CDH13: variants seen among roughly 807,000 people sequenced by gnomAD.
CDH13 encodes the protein cadherin 13.
Under a neutral mutation model 63.8 loss-of-function variants are expected in CDH13, and 24 were observed. The observed-to-expected ratio is 0.38, with a 90% CI of 0.27 to 0.53. The LOEUF is 0.53. Among genes scored for constraint, CDH13 ranks in the 20% least tolerant of loss-of-function variants. CDH13 has a pLI of 0.85. For synonymous variants in CDH13, 503 were observed against 355.3 expected (o/e 1.42, Z -4.67); for missense variants, 1,049 against 903.1 (o/e 1.16, Z -2.07).
chr16:83,208,858 AATTT>A (rs1380123838), intron 4 of CDH13, among the ~76,000 whole-genome samples: 2 of 152,140 alleles, frequency 1.3e-5, no homozygotes, highest in Admixed American at 6.5e-5. Flanking sequence ...AGGGTACTAG[AATTT>A]ATTTATCTAG....
At chr16:83,338,263 T>G (rs2090644548) in intron 5 of CDH13, among the ~76,000 whole-genome samples, 1 of 151,776 alleles carries the variant, frequency 6.6e-6, no homozygotes, top group Non-Finnish European at 1.5e-5. Flanking sequence ...CTTCATCATT[T>G]AAGGCTACAG....
intron 2 of CDH13, among the ~76,000 whole-genome samples, chr16:83,010,266 C>T (rs941733639): frequency 9.2e-5 from 14 of 151,882 alleles, no homozygotes; most frequent in Non-Finnish European, 1.6e-4. Flanking sequence ...CCTTGGTCCA[C>T]GCCAATCCCA....
chr16:83,088,915 T>C (rs977386303), intron 3 of CDH13, among the ~76,000 whole-genome samples: 10 of 152,336 alleles, frequency 6.6e-5, no homozygotes, highest in African/African-American at 2.2e-4. Flanking sequence ...CAATAAAGCT[T>C]TAATGGAACA....
intron 5 of CDH13, among the ~76,000 whole-genome samples, chr16:83,226,125 C>A (rs72802238): frequency 0.099 from 15,120 of 152,182 alleles, 993 homozygotes; most frequent in Admixed American, 0.14. Context: ...CAGCCCCTCC[C>A]TACCCCTGCA....
At chr16:83,018,068 A>G (rs1389216467) in intron 2 of CDH13, among the ~76,000 whole-genome samples, 1 of 152,222 alleles carries the variant, frequency 6.6e-6, no homozygotes, top group East Asian at 1.9e-4. Context: ...AAGAAATATG[A>G]TGGGCCAGTG....
At chr16:83,228,523 T>C (rs1306482642) in intron 5 of CDH13, among the ~76,000 whole-genome samples, 1 of 152,180 alleles carries the variant, frequency 6.6e-6, no homozygotes. Context: ...TATATTATCT[T>C]GTGAGGAGGG....
At chr16:83,626,011 CT>C (rs34252613) in intron 8 of CDH13, among the ~76,000 whole-genome samples, 5,105 of 137,184 alleles carry the variant, frequency 0.037, 237 homozygotes, top group African/African-American at 0.12. Flanking sequence ...AAGCTTGCTT[CT>C]TTTTTTTTTT....
intron 4 of CDH13, among the ~76,000 whole-genome samples, chr16:83,139,666 A>G (rs141265656): frequency 8.8e-4 from 134 of 152,226 alleles, no homozygotes; most frequent in Non-Finnish European, 1.6e-3. Context: ...ATATGTGTTT[A>G]TTGTAGAAAT....
chr16:82,746,117 T>C (rs2034153460), intron 1 of CDH13, among the ~76,000 whole-genome samples: 4 of 151,836 alleles, frequency 2.6e-5, no homozygotes, highest in South Asian at 2.1e-4. Context: ...TATACATACA[T>C]TTTATATACA....
rs74028290 is a variant in CDH13 at position 82,766,413 on chromosome 16, G to A, written c.46-91949G>A. Among the ~76,000 whole-genome samples, 586 of 152,310 alleles carry A rather than the reference G, an allele frequency of 3.8e-3. 3 individuals are homozygous for A. The highest frequency in any genetic ancestry group is 0.014 in the African/African-American group (563 of 41,570). ...GTTGGGGAATATTCTACCTTGCCAA[G>A]GATAACTGTAGAGTATTGTGACAAA... On this transcript the variant is annotated intron_variant, in intron 1 of 13. Coordinates refer to ENST00000567109, the MANE Select transcript of CDH13 (RefSeq NM_001257.5).
intron 5 of CDH13, among the ~76,000 whole-genome samples, chr16:83,258,080 A>C (rs138367378): frequency 8.7e-4 from 133 of 152,352 alleles, no homozygotes; most frequent in African/African-American, 3.1e-3. Context: ...TGATAAATTA[A>C]ACTGAGTCTT....
intron 1 of CDH13, among the ~76,000 whole-genome samples, chr16:82,684,784 C>T (rs1293211070): frequency 1.3e-5 from 2 of 152,196 alleles, no homozygotes; most frequent in African/African-American, 4.8e-5. Flanking sequence ...ACATGACTTG[C>T]AGGCATAGCC....
intron 2 of CDH13, among the ~76,000 whole-genome samples, chr16:82,922,137 A>G (rs1454186482): frequency 1.3e-5 from 2 of 151,978 alleles, no homozygotes; most frequent in South Asian, 2.1e-4. Context: ...TAATTTGGTG[A>G]TCTGTGTCTT....
intron 2 of CDH13, among the ~76,000 whole-genome samples, chr16:82,968,956 C>T (rs1423282791): frequency 6.6e-6 from 1 of 152,034 alleles, no homozygotes; most frequent in Non-Finnish European, 1.5e-5. Flanking sequence ...CCCATCTCTA[C>T]AAAATATACA....
intron 1 of CDH13, among the ~76,000 whole-genome samples, chr16:82,806,489 G>C (rs374153512): frequency 2.0e-5 from 3 of 152,076 alleles, no homozygotes; most frequent in Admixed American, 6.5e-5. Context: ...TGAGCTCTCT[G>C]TTTTTTGTTT....
chr16:83,014,088 C>G (rs1914433830), intron 2 of CDH13, among the ~76,000 whole-genome samples: 1 of 145,768 alleles, frequency 6.9e-6, no homozygotes, highest in African/African-American at 2.4e-5. Flanking sequence ...GCAAAAAGAA[C>G]AAGTAATGAC....
At chr16:82,857,573 G>C (rs1006019945) in intron 1 of CDH13, among the ~76,000 whole-genome samples, 44 of 152,110 alleles carry the variant, frequency 2.9e-4, no homozygotes, top group African/African-American at 1.1e-3. Context: ...CTAAATTTTT[G>C]ACCGCTGGAT....
chr16:83,344,970 C>A lies in CDH13; in HGVS notation c.745C>A (p.Pro249Thr), dbSNP rs376338751. The change falls in exon 6 of 14, where the codon CCC (proline) becomes ACC (threonine). Residue 249 changes from proline to threonine, a missense_variant. Transcript: ENST00000567109. Reference sequence around the variant, plus strand: ...CAACCGACCGATCTTTCGGGAAGGCCCCTACATCGGCCACGTCATGGAAGG... The same window carrying A: ...CAACCGACCGATCTTTCGGGAAGGCACCTACATCGGCCACGTCATGGAAGG... Reference protein sequence around the residue: ...NDNRPIFREGPYIGHVMEGSP... With the variant: ...NDNRPIFREGTYIGHVMEGSP... The A allele has an allele frequency of 6.2e-7, 1 of 1,613,952 alleles. No individual in the cohort carries two copies. Among genetic ancestry groups the A allele is most frequent in the Non-Finnish European group, 8.5e-7 (1 of 1,179,842 alleles).
At position 83,795,137 on chromosome 16, in the gene CDH13, C is replaced by T; in HGVS notation, c.*107C>T. 1 of 892,762 alleles carries T rather than the reference C, an allele frequency of 1.1e-6. No individual in the cohort carries two copies. Among genetic ancestry groups the T allele is most frequent in the Non-Finnish European group, 1.7e-6 (1 of 578,074 alleles). The allele number at this position is 892,762 out of a possible 1,614,324, so 55.3% of individuals were successfully genotyped here. A position where few individuals can be genotyped will look rare whatever the true frequency, so the allele number is the denominator to read the frequency against. Reference sequence around the variant, plus strand: ...GGTTTACAGCTATCGAACTTCACAACTAGGCCTCAATTGTTCCGGTTTTTT... The same window carrying T: ...GGTTTACAGCTATCGAACTTCACAATTAGGCCTCAATTGTTCCGGTTTTTT... On this transcript the variant is annotated 3_prime_UTR_variant, in exon 14 of 14. Transcript: ENST00000567109.
Sources: allele counts gnomAD v4.1 joint callset (sites outside exome capture counted in the v4.1 genomes callset), GRCh38; gene constraint gnomAD v4.1.1; transcripts MANE v1.5; gene names NCBI Gene and HGNC (gene_info 2026-07-23, HGNC 2026-07-21).